COL4A5: variants seen among roughly 807,000 people sequenced by gnomAD.
COL4A5 encodes collagen type IV alpha 5 chain.
A neutral mutation model predicts 130.2 loss-of-function variants in COL4A5; 26 were observed. The ratio of observed to expected loss-of-function variants is 0.20; its 90% confidence interval spans 0.15 to 0.28. The LOEUF (loss-of-function observed/expected upper bound fraction) is 0.28. Ranked by LOEUF, COL4A5 falls within the 10% of genes least tolerant of loss-of-function variation. The probability of loss-of-function intolerance (pLI) is 1.00; values close to 1 mark genes in which losing one functional copy is unlikely to be tolerated. For synonymous variants in COL4A5, 496 were observed against 439.6 expected (o/e 1.13, Z -1.60); for missense variants, 1,131 against 1,344.3 (o/e 0.84, Z 2.48).
intron 44 of COL4A5, among the ~76,000 whole-genome samples, chrX:108,677,912 T>G (rs777627288): frequency 1.5e-4 from 17 of 111,912 alleles, no homozygotes; most frequent in African/African-American, 4.2e-4. Context: ...AGCAAATTTA[T>G]GCAAAGGAGA....
At chrX:108,607,394 C>T (rs1386015937) in intron 29 of COL4A5, among the ~76,000 whole-genome samples, 1 of 107,503 alleles carries the variant, frequency 9.3e-6, no homozygotes, top group Non-Finnish European at 1.9e-5. Flanking sequence ...AAAAGTAACA[C>T]TGAGAAGTCT....
At chrX:108,505,242 C>T (rs913852868) in intron 1 of COL4A5, among the ~76,000 whole-genome samples, 2 of 97,061 alleles carry the variant, frequency 2.1e-5, no homozygotes, top group African/African-American at 8.4e-5. Flanking sequence ...AGTGAGGAGT[C>T]GGTGAGGGAT....
intron 2 of COL4A5, among the ~76,000 whole-genome samples, chrX:108,552,674 G>T (rs2147705055): frequency 8.9e-6 from 1 of 111,951 alleles, no homozygotes; most frequent in East Asian, 2.8e-4. Flanking sequence ...TCATATTCAT[G>T]AATTGGAAGA....
chrX:108,573,457 G>A (rs2066096783), intron 8 of COL4A5, 117 bp from the exon 9 acceptor site: 1 of 570,608 alleles, frequency 1.8e-6, no homozygotes, highest in African/African-American at 2.2e-5. Flanking sequence ...TACTGAGATG[G>A]CCTAATCTTT....
intron 2 of COL4A5, among the ~76,000 whole-genome samples, chrX:108,544,884 A>T (rs1284569397): frequency 9.0e-6 from 1 of 111,726 alleles, no homozygotes; most frequent in South Asian, 3.7e-4. Flanking sequence ...TAGATTTTCT[A>T]GTTTATTTGC....
intron 31 of COL4A5, 78 bp from the exon 32 acceptor site, chrX:108,621,725 G>A: frequency 1.2e-6 from 1 of 802,767 alleles, no homozygotes; most frequent in Non-Finnish European, 1.9e-6. Flanking sequence ...ATAGTTTTCT[G>A]GTTGACATCT....
chrX:108,687,809 C>T (rs2068577904), intron 49 of COL4A5, 115 bp downstream of exon 49: 16 of 628,048 alleles, frequency 2.5e-5, no homozygotes, highest in South Asian at 7.2e-5. Flanking sequence ...TTGGGGCTTC[C>T]GAATTGAAAA....
chrX:108,692,125 G>T (rs970689969), intron 49 of COL4A5, among the ~76,000 whole-genome samples: 1 of 112,028 alleles, frequency 8.9e-6, no homozygotes, highest in African/African-American at 3.2e-5. Flanking sequence ...GAAAAGAAAG[G>T]CTTGATCACA....
At chrX:108,538,408 A>G (rs914720595) in intron 1 of COL4A5, among the ~76,000 whole-genome samples, 3 of 111,956 alleles carry the variant, frequency 2.7e-5, no homozygotes, top group Non-Finnish European at 5.6e-5. Flanking sequence ...AGCCTCTTGT[A>G]GTGTGAGTGA....
intron 34 of COL4A5, among the ~76,000 whole-genome samples, chrX:108,624,589 C>G (rs2067116396): frequency 8.9e-6 from 1 of 111,976 alleles, no homozygotes; most frequent in Non-Finnish European, 1.9e-5. Flanking sequence ...TACACAGAAT[C>G]AGAAATGTGA....
intron 13 of COL4A5, among the ~76,000 whole-genome samples, chrX:108,580,125 CA>C (rs1351899634): frequency 9.0e-6 from 1 of 110,920 alleles, no homozygotes; most frequent in Non-Finnish European, 1.9e-5. Context: ...ATTTTAGATA[CA>C]GGGGGTACAT....
At chrX:108,542,157 G>A (rs968958851) in intron 2 of COL4A5, among the ~76,000 whole-genome samples, 2 of 111,287 alleles carry the variant, frequency 1.8e-5, no homozygotes, top group African/African-American at 3.3e-5. Flanking sequence ...TGTGCACAAC[G>A]TGCAGGTTTG....
chrX:108,460,999 T>C (rs1272403632), intron 1 of COL4A5, among the ~76,000 whole-genome samples: 1 of 110,866 alleles, frequency 9.0e-6, no homozygotes, highest in East Asian at 2.8e-4. Flanking sequence ...CTTTCTGTTA[T>C]AGCGCAAGCT....
chrX:108,502,236 A>C lies in COL4A5; in HGVS notation c.82-37510A>C, dbSNP rs1320007870. Reference sequence around the variant, plus strand: ...GGAGTTCATGTTACTATTTTTCCACATCAGGTATGCTGGAAGGTAATAGTT... The same window carrying C: ...GGAGTTCATGTTACTATTTTTCCACCTCAGGTATGCTGGAAGGTAATAGTT... On this transcript the variant is annotated intron_variant, in intron 1 of 52. Coordinates refer to ENST00000328300, the MANE Select transcript of COL4A5 (RefSeq NM_033380.3). 9.9e-5 allele frequency among the ~76,000 whole-genome samples: 11 copies of C among 111,365 alleles called. No homozygotes were observed. In the East Asian group the frequency reaches 3.1e-3, roughly 31 times the overall value.
At chrX:108,510,435 A>C (rs1238410132) in intron 1 of COL4A5, among the ~76,000 whole-genome samples, 1 of 111,606 alleles carries the variant, frequency 9.0e-6, no homozygotes, top group African/African-American at 3.3e-5. Flanking sequence ...CTTCTGGTTA[A>C]CTTTTTTTTT....
chrX:108,551,551 G>A (rs2065753042), intron 2 of COL4A5, among the ~76,000 whole-genome samples: 1 of 112,113 alleles, frequency 8.9e-6, no homozygotes, highest in African/African-American at 3.2e-5. Context: ...AGAGAAAAGA[G>A]AATTCTTACA....
At chrX:108,453,255 A>G (rs2064546480) in intron 1 of COL4A5, among the ~76,000 whole-genome samples, 1 of 111,807 alleles carries the variant, frequency 8.9e-6, no homozygotes, top group South Asian at 3.7e-4. Flanking sequence ...ACCTTATCTT[A>G]AAAGGCTATT....
At chrX:108,521,205 A>G (rs775074785) in intron 1 of COL4A5, among the ~76,000 whole-genome samples, 1 of 111,519 alleles carries the variant, frequency 9.0e-6, no homozygotes, top group South Asian at 3.8e-4. Context: ...GGTCCTAAAA[A>G]GTCTTTCATA....
intron 3 of COL4A5, 65 bp from the exon 4 acceptor site, chrX:108,563,817 A>G: frequency 1.1e-6 from 1 of 943,050 alleles, no homozygotes; most frequent in Admixed American, 2.2e-5. Context: ...CTATTTTATA[A>G]TTGAAAATGA....
Sources: gnomAD v4.1 joint callset for allele counts (sites outside exome capture counted in the v4.1 genomes callset) on GRCh38, gnomAD v4.1.1 for gene constraint, MANE v1.5 for transcripts, NCBI Gene and HGNC (gene_info 2026-07-23, HGNC 2026-07-21) for gene names.